The following WWOX variants were observed in gnomAD, a reference collection of about 807,000 sequenced individuals.
WWOX encodes the protein WW domain-containing oxidoreductase.
Under a neutral mutation model 46.2 loss-of-function variants are expected in WWOX, and 69 were observed. The observed-to-expected ratio is 1.49, with a 90% CI of 1.23 to 1.82. The LOEUF is 1.82. WWOX is among the 40% of genes most tolerant of loss of function. WWOX has a pLI of 0.00. For missense variants in WWOX, 919 were observed against 542.6 expected, an observed-to-expected ratio of 1.69 and a Z score of -6.89; for synonymous variants, 359 against 202.6, an observed-to-expected ratio of 1.77 and a Z score of -6.56.
intron 8 of WWOX, among the ~76,000 whole-genome samples, chr16:78,591,972 A>G (rs1442900119): frequency 6.6e-6 from 1 of 152,190 alleles, no homozygotes; most frequent in African/African-American, 2.4e-5. Flanking sequence ...CAATGCGCCT[A>G]TTGACTTCTT....
chr16:79,188,835 C>G (rs371088249), intron 8 of WWOX, among the ~76,000 whole-genome samples: 57 of 152,348 alleles, frequency 3.7e-4, no homozygotes, highest in African/African-American at 1.3e-3. Context: ...GTTCTCTCAC[C>G]TTGCATTTCT....
chr16:78,234,031 A>G (rs779160333), intron 5 of WWOX, among the ~76,000 whole-genome samples: 7 of 152,170 alleles, frequency 4.6e-5, no homozygotes, highest in Non-Finnish European at 8.8e-5. Flanking sequence ...GCCTGGGAAT[A>G]GGATGGCAGG....
At chr16:78,554,283 C>A (rs1026496992) in intron 8 of WWOX, among the ~76,000 whole-genome samples, 1 of 151,996 alleles carries the variant, frequency 6.6e-6, no homozygotes, top group Non-Finnish European at 1.5e-5. Context: ...TGGTATAAGC[C>A]CCGTAGTAAT....
chr16:78,204,143 A>G (rs1404556973), intron 5 of WWOX, among the ~76,000 whole-genome samples: 1 of 152,244 alleles, frequency 6.6e-6, no homozygotes, highest in East Asian at 1.9e-4. Flanking sequence ...TTTGAGAGCC[A>G]TAGCAGCTGG....
intron 5 of WWOX, among the ~76,000 whole-genome samples, chr16:78,194,825 C>G (rs753841059): frequency 2.6e-5 from 4 of 152,110 alleles, no homozygotes; most frequent in African/African-American, 7.2e-5. Context: ...TTCCTCTACT[C>G]TTTTTATTCT....
At chr16:78,681,237 TCATA>T (rs1308811937) in intron 8 of WWOX, among the ~76,000 whole-genome samples, 4 of 150,892 alleles carry the variant, frequency 2.7e-5, no homozygotes, top group Admixed American at 2.0e-4. Flanking sequence ...CAAGACTGTC[TCATA>T]AATAAATAAA....
intron 4 of WWOX, chr16:78,123,646 T>A (rs1029696755): frequency 6.6e-6 from 1 of 151,372 alleles, no homozygotes; most frequent in Non-Finnish European, 1.5e-5. Context: ...TTAGTAGAGA[T>A]GGGGTTTCAC....
intron 8 of WWOX, among the ~76,000 whole-genome samples, chr16:78,997,285 G>A (rs551975739): frequency 1.3e-5 from 2 of 152,072 alleles, no homozygotes; most frequent in Non-Finnish European, 2.9e-5. Context: ...ATAATATAAG[G>A]TCCTTTCCTT....
chr16:79,042,434 A>G (rs934163710), intron 8 of WWOX, among the ~76,000 whole-genome samples: 7 of 152,112 alleles, frequency 4.6e-5, no homozygotes, highest in Admixed American at 2.0e-4. Flanking sequence ...TGCTGGAGAG[A>G]TTGATTCCCT....
intron 5 of WWOX, among the ~76,000 whole-genome samples, chr16:78,206,287 T>C (rs1330994060): frequency 6.6e-6 from 1 of 152,150 alleles, no homozygotes; most frequent in Non-Finnish European, 1.5e-5. Context: ...GTCATTGAAA[T>C]ATACTTTATT....
chr16:78,404,035 C>CT (rs1254469217), intron 6 of WWOX, among the ~76,000 whole-genome samples: 1 of 152,130 alleles, frequency 6.6e-6, no homozygotes, highest in Non-Finnish European at 1.5e-5. Flanking sequence ...TAGCAGAAGT[C>CT]TTTTGCAAAG....
At chr16:78,778,758 G>C (rs1228433439) in intron 8 of WWOX, among the ~76,000 whole-genome samples, 1 of 152,132 alleles carries the variant, frequency 6.6e-6, no homozygotes, top group East Asian at 1.9e-4. Context: ...TCAAACCAAA[G>C]AGCACACCGC....
intron 8 of WWOX, among the ~76,000 whole-genome samples, chr16:78,674,722 A>T (rs1193549043): frequency 2.0e-5 from 3 of 152,240 alleles, no homozygotes; most frequent in Admixed American, 2.0e-4. Context: ...ACAAGAACAA[A>T]TGGAGAATCT....
At position 78,547,449 on chromosome 16, in the gene WWOX, T is replaced by A. The variant is rs112204388; in HGVS notation, c.1056+114697T>A. On this transcript the variant is annotated intron_variant, in intron 8 of 8. Coordinates refer to ENST00000566780, the MANE Select transcript of WWOX (RefSeq NM_016373.4). ...CAATGACCCTGTGGTGAAGTGTGAT[T>A]GCTGGCATTTGCCTAGTGTTGACTG... Among the ~76,000 whole-genome samples the A allele has an allele frequency of 2.7e-4, 41 of 152,300 alleles. 1 individual carries two copies. Among genetic ancestry groups the A allele is most frequent in the African/African-American group, 9.6e-4 (40 of 41,580 alleles).
At chr16:79,058,834 G>A (rs775528619) in intron 8 of WWOX, among the ~76,000 whole-genome samples, 1 of 152,188 alleles carries the variant, frequency 6.6e-6, no homozygotes, top group Non-Finnish European at 1.5e-5. Flanking sequence ...AATGAAGATT[G>A]TGTATTTTTA....
intron 8 of WWOX, among the ~76,000 whole-genome samples, chr16:78,736,100 A>C (rs1296871603): frequency 6.6e-6 from 1 of 152,172 alleles, no homozygotes; most frequent in Admixed American, 6.5e-5. Context: ...TCTTGGGACA[A>C]ATGTGTGACA....
chr16:78,353,234 A>T (rs1408220995), intron 5 of WWOX, among the ~76,000 whole-genome samples: 3 of 152,160 alleles, frequency 2.0e-5, no homozygotes, highest in Admixed American at 6.5e-5. Flanking sequence ...TTGTTTATGT[A>T]GGGGCCCGTG....
chr16:78,423,932 A>T (rs946888690), intron 6 of WWOX, among the ~76,000 whole-genome samples: 1 of 151,842 alleles, frequency 6.6e-6, no homozygotes, highest in African/African-American at 2.4e-5. Flanking sequence ...TCTTTATAAA[A>T]TGTTCATTTA....
chr16:78,759,326 C>G (rs2049733907), intron 8 of WWOX, among the ~76,000 whole-genome samples: 1 of 152,214 alleles, frequency 6.6e-6, no homozygotes, highest in African/African-American at 2.4e-5. Flanking sequence ...TGTGCACTGT[C>G]TGCCATAAAG....
Sources: gnomAD v4.1 joint callset for allele counts (sites outside exome capture counted in the v4.1 genomes callset) on GRCh38, gnomAD v4.1.1 for gene constraint, MANE v1.5 for transcripts, NCBI Gene and HGNC (gene_info 2026-07-23, HGNC 2026-07-21) for gene names.